Variants in DUSP16 observed in about 807,000 individuals in gnomAD.
The protein encoded by DUSP16 is dual specificity phosphatase 16.
A neutral mutation model predicts 58.3 loss-of-function variants in DUSP16; 21 were observed. The ratio of observed to expected loss-of-function variants is 0.36; its 90% CI spans 0.26 to 0.52. The LOEUF is 0.52. Among genes scored for constraint, DUSP16 ranks in the 20% least tolerant of loss-of-function variants. DUSP16 has a pLI of 0.94. For missense variants in DUSP16, 726 were observed against 819.0 expected (o/e 0.89, Z 1.39); for synonymous variants, 320 against 323.8 (o/e 0.99, Z 0.12).
intron 4 of DUSP16, among the ~76,000 whole-genome samples, chr12:12,499,712 G>A (rs773345363): frequency 2.6e-5 from 4 of 152,160 alleles, no homozygotes; most frequent in African/African-American, 9.7e-5. Context: ...GTTGAATTAA[G>A]ATCTCTGACT....
chr12:12,543,639 T>C (rs1944597499), intron 1 of DUSP16, among the ~76,000 whole-genome samples: 1 of 151,622 alleles, frequency 6.6e-6, no homozygotes, highest in Non-Finnish European at 1.5e-5. Context: ...GCTAAATATA[T>C]TATTATATCA....
chr12:12,548,184 A>T (rs1159607583), intron 1 of DUSP16, among the ~76,000 whole-genome samples: 1 of 149,028 alleles, frequency 6.7e-6, no homozygotes, highest in Non-Finnish European at 1.5e-5. Flanking sequence ...CAAATAATCC[A>T]ATTTTTAAAT....
At chr12:12,554,196 CAA>C (rs59499569) in intron 1 of DUSP16, among the ~76,000 whole-genome samples, 7,298 of 65,848 alleles carry the variant, frequency 0.11, 207 homozygotes, top group East Asian at 0.27. Context: ...AACTGGGTCT[CAA>C]AAAAAAAAAA....
At chr12:12,478,403 G>T (rs1943500082) in intron 6 of DUSP16, among the ~76,000 whole-genome samples, 1 of 151,998 alleles carries the variant, frequency 6.6e-6, no homozygotes, top group African/African-American at 2.4e-5. Flanking sequence ...CATGATCATA[G>T]CTCACTGCAG....
intron 1 of DUSP16, among the ~76,000 whole-genome samples, chr12:12,556,305 C>T (rs1371811696): frequency 6.6e-6 from 1 of 152,110 alleles, no homozygotes; most frequent in Non-Finnish European, 1.5e-5. Context: ...TGCCTGTAAT[C>T]CTAGCACTTT....
chr12:12,504,691 T>TAAAAAA (rs57833371), intron 3 of DUSP16, among the ~76,000 whole-genome samples: 5 of 119,130 alleles, frequency 4.2e-5, no homozygotes, highest in African/African-American at 9.4e-5. Context: ...CAATCTCTGT[T>TAAAAAA]AAAAAAAAAA....
In DUSP16 at chr12:12,476,522, T is replaced by TC. The variant is rs1943438720; in HGVS notation, c.*310dup. ...GTGAAAATGGTAGGGGATTTTGTCCTCCAACACCAAAGACACTTGCTTTTT... is the reference window on the plus strand; with the variant it reads ...GTGAAAATGGTAGGGGATTTTGTCCTCCCAACACCAAAGACACTTGCTTTTT... On this transcript the variant is annotated 3_prime_UTR_variant, in exon 7 of 7. Coordinates refer to ENST00000298573, the MANE Select transcript of DUSP16 (RefSeq NM_030640.3). The TC allele has an allele frequency of 4.3e-6, 1 of 233,504 alleles. No individual in the cohort carries two copies. The allele number at this position is 233,504 out of a possible 1,614,324, so 14.5% of individuals were successfully genotyped here. A position where few individuals can be genotyped will look rare whatever the true frequency, so the allele number is the denominator to read the frequency against.
chr12:12,482,364 T>C (rs1943586971), intron 5 of DUSP16, among the ~76,000 whole-genome samples: 1 of 152,238 alleles, frequency 6.6e-6, no homozygotes, highest in Non-Finnish European at 1.5e-5. Flanking sequence ...TCCTTTTCTC[T>C]GTTTTTCAAA....
At chr12:12,544,163 T>C (rs1944605425) in intron 1 of DUSP16, among the ~76,000 whole-genome samples, 1 of 152,056 alleles carries the variant, frequency 6.6e-6, no homozygotes, top group African/African-American at 2.4e-5. Flanking sequence ...TACTAATCTC[T>C]CTCCCCAAAG....
chr12:12,519,831 T>G, intron 3 of DUSP16, 31 bp downstream of exon 3: 2 of 1,612,830 alleles, frequency 1.2e-6, no homozygotes, highest in East Asian at 2.2e-5. Flanking sequence ...AGCAAGATTC[T>G]GAGTCCTTTT....
chr12:12,556,310 C>G (rs539658286), intron 1 of DUSP16, among the ~76,000 whole-genome samples: 3 of 152,244 alleles, frequency 2.0e-5, no homozygotes, highest in Non-Finnish European at 2.9e-5. Flanking sequence ...GTAATCCTAG[C>G]ACTTTGGGAG....
At position 12,475,776 on chromosome 12, in the gene DUSP16, T is replaced by A. The variant is rs1943419778; in HGVS notation, c.*1057A>T. On this transcript the variant is annotated 3_prime_UTR_variant, in exon 7 of 7. Transcript: ENST00000298573. ...AGTTTCCTATAAAATTCTGCCATAT[T>A]ATTACATTTTACCAACTGTATCCAT... The A allele has an allele frequency of 6.6e-6, 1 of 152,206 alleles. No homozygotes were observed. The highest frequency in any genetic ancestry group is 1.5e-5 in the Non-Finnish European group (1 of 68,028). The allele number at this position is 152,206 out of a possible 1,614,324, so 9.4% of individuals were successfully genotyped here.
rs1027413526 is a variant in DUSP16 at position 12,475,191 on chromosome 12, A to G, written c.*1642T>C. The G allele has an allele frequency of 6.6e-6, 1 of 152,276 alleles. No individual in the cohort carries two copies. The highest frequency in any genetic ancestry group is 2.4e-5 in the African/African-American group (1 of 41,456). 9.4% of individuals were successfully genotyped at this position (152,276 alleles called of 1,614,324 possible). ...GAGATACGAGGCAGCAACTAGCGAC[A>G]CTTACAGGAAGGGAAAGAACAATGA... On this transcript the variant is annotated 3_prime_UTR_variant, in exon 7 of 7. Transcript: ENST00000298573.
At chr12:12,543,248 A>C (rs1412792594) in intron 1 of DUSP16, among the ~76,000 whole-genome samples, 2 of 152,156 alleles carry the variant, frequency 1.3e-5, no homozygotes, top group African/African-American at 4.8e-5. Context: ...GGGGTTGACA[A>C]CTGTACTGTG....
intron 1 of DUSP16, chr12:12,560,933 T>G (rs1418844574): frequency 1.1e-5 from 1 of 89,374 alleles, no homozygotes; most frequent in Non-Finnish European, 2.2e-5. Context: ...AACTTTTGCA[T>G]GGATGGTAAA....
At chr12:12,501,785 G>A (rs1480442880) in intron 3 of DUSP16, among the ~76,000 whole-genome samples, 2 of 152,036 alleles carry the variant, frequency 1.3e-5, no homozygotes, top group East Asian at 3.9e-4. Context: ...TGAGGTCAGG[G>A]GTTCGAGACC....
intron 1 of DUSP16, among the ~76,000 whole-genome samples, chr12:12,537,097 C>G (rs1199514218): frequency 6.6e-6 from 1 of 152,148 alleles, no homozygotes; most frequent in African/African-American, 2.4e-5. Flanking sequence ...TGAAGGTTGA[C>G]ATTTCTTCAA....
At chr12:12,535,055 T>C (rs1566036606) in intron 1 of DUSP16, among the ~76,000 whole-genome samples, 2 of 152,228 alleles carry the variant, frequency 1.3e-5, no homozygotes, top group Non-Finnish European at 1.5e-5. Context: ...TTTTATAATC[T>C]AGTGCTCAGA....
intron 3 of DUSP16, among the ~76,000 whole-genome samples, chr12:12,511,643 T>C (rs1944080856): frequency 6.6e-6 from 1 of 152,192 alleles, no homozygotes; most frequent in Non-Finnish European, 1.5e-5. Flanking sequence ...CTTATCACTG[T>C]ATCATACATT....
Sources: allele counts gnomAD v4.1 joint callset (sites outside exome capture counted in the v4.1 genomes callset), GRCh38; gene constraint gnomAD v4.1.1; transcripts MANE v1.5; gene names NCBI Gene and HGNC (gene_info 2026-07-23, HGNC 2026-07-21).